The following GABPB2 variants were observed in gnomAD, a reference collection of about 807,000 sequenced individuals.
GABPB2 encodes the protein GA binding protein transcription factor subunit beta 2, also known as GA-binding protein subunit beta-2.
A neutral mutation model predicts 39.1 loss-of-function variants in GABPB2; 23 were observed. The observed-to-expected ratio is 0.59, with a 90% CI of 0.42 to 0.83. The LOEUF is 0.83. Ranked by LOEUF, GABPB2 falls within the 40% of genes least tolerant of loss-of-function variation. The probability of loss-of-function intolerance (pLI) is 0.00; values close to 1 mark genes in which losing one functional copy is unlikely to be tolerated. For missense variants in GABPB2, 467 were observed against 541.1 expected (o/e 0.86, Z 1.36); for synonymous variants, 184 against 199.3 (o/e 0.92, Z 0.65).
intron 7 of GABPB2, among the ~76,000 whole-genome samples, chr1:151,107,668 G>A (rs1680079342): frequency 6.6e-6 from 1 of 152,100 alleles, no homozygotes; most frequent in Non-Finnish European, 1.5e-5. Flanking sequence ...GGGTGAGGCG[G>A]CTCACGGCTG....
At position 151,093,183 on chromosome 1, in the gene GABPB2, C is replaced by T; in HGVS notation, c.277-9C>T. The T allele has an allele frequency of 6.5e-7, 1 of 1,535,580 alleles. No individual in the cohort carries two copies. Among genetic ancestry groups the T allele is most frequent in the Non-Finnish European group, 8.8e-7 (1 of 1,139,770 alleles). On this transcript the variant is annotated splice_polypyrimidine_tract_variant and intron_variant, in intron 3 of 8. Transcript: ENST00000368918. ...GCTGTTTGTTGAAAAAAATGCTTTT[C>T]TGTGACAGAATGGTGCAGATGTGAA...
intron 1 of GABPB2, among the ~76,000 whole-genome samples, chr1:151,071,345 G>A (rs1676695573): frequency 6.6e-6 from 1 of 152,098 alleles, no homozygotes; most frequent in Non-Finnish European, 1.5e-5. Context: ...ATGATAGAGA[G>A]GGAAACGGCG....
chr1:151,102,908 G>A (rs587632997), intron 5 of GABPB2, among the ~76,000 whole-genome samples: 117 of 152,238 alleles, frequency 7.7e-4, no homozygotes, highest in African/African-American at 2.6e-3. Context: ...CTTACTGCCT[G>A]CTGCCAAGGA....
At chr1:151,076,258 G>C (rs1352262140) in intron 1 of GABPB2, among the ~76,000 whole-genome samples, 1 of 152,128 alleles carries the variant, frequency 6.6e-6, no homozygotes, top group Non-Finnish European at 1.5e-5. Context: ...GGGGTTACTA[G>C]CTGATTCCAG....
chr1:151,102,058 T>C (rs1387541085), intron 5 of GABPB2, among the ~76,000 whole-genome samples: 2 of 152,126 alleles, frequency 1.3e-5, no homozygotes, highest in African/African-American at 2.4e-5. Flanking sequence ...CAGTGGCTCA[T>C]GCCTATAATC....
intron 1 of GABPB2, among the ~76,000 whole-genome samples, chr1:151,084,725 G>A (rs1393420543): frequency 6.6e-6 from 1 of 150,568 alleles, no homozygotes; most frequent in African/African-American, 2.4e-5. Flanking sequence ...TAGTAGAGAT[G>A]GGATTTCACC....
chr1:151,081,647 T>A (rs185315666), intron 1 of GABPB2, among the ~76,000 whole-genome samples: 26 of 152,242 alleles, frequency 1.7e-4, no homozygotes, highest in Admixed American at 3.3e-4. Flanking sequence ...TTTATTTTTT[T>A]TTTTTTAGAT....
At chr1:151,072,068 C>A (rs587690013) in intron 1 of GABPB2, among the ~76,000 whole-genome samples, 4 of 152,328 alleles carry the variant, frequency 2.6e-5, no homozygotes, top group Non-Finnish European at 5.9e-5. Context: ...ATCACTTGGT[C>A]CACCCAATCC....
intron 7 of GABPB2, among the ~76,000 whole-genome samples, chr1:151,113,362 C>G (rs1472602112): frequency 1.3e-5 from 2 of 151,068 alleles, no homozygotes; most frequent in African/African-American, 4.9e-5. Context: ...CCTGCTACTC[C>G]GGAGGCTGAG....
Position 151,122,551 on chromosome 1 carries a change from C to G in GABPB2, c.*4295C>G, listed in dbSNP as rs1419345624. 2.0e-5 allele frequency: 3 copies of G among 151,996 alleles called. No homozygotes were observed. Among genetic ancestry groups the G allele is most frequent in the Non-Finnish European group, 4.4e-5 (3 of 68,016 alleles). 9.4% of individuals were successfully genotyped at this position (151,996 alleles called of 1,614,324 possible). On this transcript the variant is annotated 3_prime_UTR_variant, in exon 9 of 9. Transcript: ENST00000368918. ...ATGTTGACTTTAATCCCTCTTCCCCCACACCTCGCCCATTAAGGGGAAGGA... is the reference window on the plus strand; with the variant it reads ...ATGTTGACTTTAATCCCTCTTCCCCGACACCTCGCCCATTAAGGGGAAGGA...
In GABPB2 at chr1:151,090,580, C is replaced by A. The variant is rs770495025; in HGVS notation, c.276+7C>A. ...CGTGGAACTGCTTGTTCGGGTAAAG[C>A]AAGAATAGGGGCAAGGTTATGTTGT... On this transcript the variant is annotated splice_region_variant and intron_variant, in intron 3 of 8. Coordinates refer to ENST00000368918, the MANE Select transcript of GABPB2 (RefSeq NM_144618.3). The A allele has an allele frequency of 1.2e-6, 2 of 1,612,988 alleles. No individual in the cohort carries two copies. Among genetic ancestry groups the A allele is most frequent in the Admixed American group, 3.3e-5 (2 of 59,872 alleles).
At chr1:151,108,586 C>T (rs1223711172) in intron 7 of GABPB2, among the ~76,000 whole-genome samples, 2 of 151,924 alleles carry the variant, frequency 1.3e-5, no homozygotes, top group African/African-American at 2.4e-5. Context: ...ACTGCAGCCT[C>T]GACCTCCTGG....
At position 151,115,100 on chromosome 1, in the gene GABPB2, T is replaced by C. The variant is rs114352832; in HGVS notation, c.923-2292T>C. ...GCTGGGTCATAAGGTAAGTGTGTGT[T>C]TTGTTTTGTTTTTTAAGAAACTGCC... On this transcript the variant is annotated intron_variant, in intron 7 of 8. Coordinates refer to ENST00000368918, the MANE Select transcript of GABPB2 (RefSeq NM_144618.3). Among the ~76,000 whole-genome samples, 530 of 152,178 alleles carry C rather than the reference T, an allele frequency of 3.5e-3. 7 individuals carry two copies. Among genetic ancestry groups the C allele is most frequent in the African/African-American group, 0.012 (498 of 41,554 alleles).
intron 1 of GABPB2, among the ~76,000 whole-genome samples, chr1:151,076,100 AT>A (rs749432420): frequency 1.3e-5 from 2 of 152,228 alleles, no homozygotes; most frequent in Non-Finnish European, 2.9e-5. Flanking sequence ...TTAAGAAAAC[AT>A]TCAGTAAGCT....
intron 7 of GABPB2, 39 bp from the exon 8 acceptor site, chr1:151,117,353 T>G (rs1264885090): frequency 1.3e-6 from 2 of 1,594,148 alleles, no homozygotes; most frequent in African/African-American, 2.7e-5. Context: ...TGTTTTATTA[T>G]GCATTCATCA....
chr1:151,088,482 A>G (rs1265903882), intron 2 of GABPB2, 185 bp downstream of exon 2: 1 of 1,338,046 alleles, frequency 7.5e-7, no homozygotes, highest in Non-Finnish European at 1.0e-6. Context: ...TTCCAAATTG[A>G]GAGTCTCCTG....
intron 7 of GABPB2, among the ~76,000 whole-genome samples, chr1:151,113,992 AGTTT>A (rs1680661383): frequency 1.3e-5 from 2 of 152,080 alleles, no homozygotes; most frequent in African/African-American, 4.8e-5. Flanking sequence ...GATGTACCAC[AGTTT>A]GTTTAACCAT....
At chr1:151,111,573 C>G (rs1404485491) in intron 7 of GABPB2, among the ~76,000 whole-genome samples, 1 of 152,052 alleles carries the variant, frequency 6.6e-6, no homozygotes, top group Non-Finnish European at 1.5e-5. Flanking sequence ...CAGGCGCCTG[C>G]CACCACGCCC....
At chr1:151,100,580 C>CATT (rs1553265488) in intron 5 of GABPB2, among the ~76,000 whole-genome samples, 1 of 46,688 alleles carries the variant, frequency 2.1e-5, no homozygotes, top group Non-Finnish European at 3.8e-5. Flanking sequence ...TGTGCCTGGC[C>CATT]TTTTTTTTTT....
Sources: allele counts gnomAD v4.1 joint callset (sites outside exome capture counted in the v4.1 genomes callset), GRCh38; gene constraint gnomAD v4.1.1; transcripts MANE v1.5; gene names NCBI Gene and HGNC (gene_info 2026-07-23, HGNC 2026-07-21).